Variants in PLEKHG6 observed in about 807,000 individuals in gnomAD.
The protein encoded by PLEKHG6 is pleckstrin homology and RhoGEF domain containing G6.
PLEKHG6 carries 91 observed loss-of-function variants against 97.5 expected under a neutral mutation model. That is an observed-to-expected ratio of 0.93 (90% CI 0.79 to 1.11). The LOEUF (loss-of-function observed/expected upper bound fraction) is 1.11, where lower values mean the gene tolerates loss of function less well. Ranked by LOEUF, PLEKHG6 falls within the 50% of genes most tolerant of loss-of-function variation. PLEKHG6 has a pLI of 0.00. For synonymous variants in PLEKHG6, 466 were observed against 425.5 expected (o/e 1.10, Z -1.17); for missense variants, 1,044 against 1,031.0 (o/e 1.01, Z -0.17).
intron 2 of PLEKHG6, 129 bp from the exon 3 acceptor site, chr12:6,313,500 A>C: frequency 9.1e-7 from 1 of 1,103,624 alleles, no homozygotes; most frequent in Non-Finnish European, 1.3e-6. Flanking sequence ...GTTTGCAGGG[A>C]GAAGTGAGCC....
chr12:6,314,009 G>A (rs1947362877), intron 3 of PLEKHG6, among the ~76,000 whole-genome samples: 1 of 152,232 alleles, frequency 6.6e-6, no homozygotes, highest in Non-Finnish European at 1.5e-5. Flanking sequence ...GTGGATAAAC[G>A]ATTGATATTG....
rs562837786 is a variant in PLEKHG6, at chr12:6,327,524, C to T, written c.1941C>T (p.Pro647=). 2.0e-5 allele frequency: 32 copies of T among 1,611,630 alleles called. No individual in the cohort carries two copies. Among genetic ancestry groups the T allele is most frequent in the African/African-American group, 2.7e-5 (2 of 74,878 alleles). ...AAGCTCCTCAACGCCGAAGCGCCCC[C>T]GAACTGCCGGAAGGAATCCTAAAAG... ...DPQAPQRRSA[P]ELPEGILKGG... is the part of the protein sequence containing the mutation. The change falls in exon 15 of 16, where the codon CCC becomes CCT. Residue 647 remains proline, a synonymous_variant. Transcript: ENST00000684764.
intron 10 of PLEKHG6, 105 bp downstream of exon 10, chr12:6,318,099 G>A: frequency 7.1e-7 from 1 of 1,411,412 alleles, no homozygotes; most frequent in Non-Finnish European, 9.6e-7. Context: ...TGCTACAAGG[G>A]TGTCCATCAT....
chr12:6,318,143 G>T (rs1032031216), intron 10 of PLEKHG6, 149 bp downstream of exon 10: 195 of 1,386,608 alleles, frequency 1.4e-4, no homozygotes, highest in Middle Eastern at 2.0e-4. Flanking sequence ...AGGGGTACAG[G>T]TCAGAAGAGC....
Position 6,319,062 on chromosome 12 carries a change from G to C in PLEKHG6, c.1478G>C (p.Ser493Thr), listed in dbSNP as rs375430078. 20 of 1,613,086 alleles carry C rather than the reference G, an allele frequency of 1.2e-5. No homozygotes were observed. Among genetic ancestry groups the C allele is most frequent in the South Asian group, 5.5e-5 (5 of 91,014 alleles). Residue 493 changes from serine to threonine, a missense_variant, in exon 13 of 16, where the codon AGT becomes ACT. Ser to Thr is a moderately conservative substitution (Grantham distance 58, BLOSUM62 1). Coordinates refer to ENST00000684764, the MANE Select transcript of PLEKHG6 (RefSeq NM_001384598.1). ...AGCGCCCTCCTTGTGCACTGTCCCA[G>C]TCCTACAGACCGTGCCCAGTGGCTG... is the stretch of plus-strand genomic sequence containing the variant. The part of the protein sequence containing the change: ...VSSALLVHCP[S>T]PTDRAQWLEK...
At chr12:6,312,713 T>C (rs1437519446) in intron 2 of PLEKHG6, 2 of 1,165,110 alleles carry the variant, frequency 1.7e-6, no homozygotes, top group African/African-American at 1.6e-5. Flanking sequence ...TTTGAGGCCT[T>C]CCTGAGATCT....
chr12:6,315,134 G>C lies in PLEKHG6; in HGVS notation c.424G>C (p.Glu142Gln). 6.2e-7 allele frequency: 1 copy of C among 1,612,074 alleles called. No individual in the cohort carries two copies. Among genetic ancestry groups the C allele is most frequent in the East Asian group, 2.2e-5 (1 of 44,880 alleles). Residue 142 changes from glutamate (E) to glutamine (Q), a missense_variant, in exon 4 of 16, where the codon GAG (glutamate) becomes CAG (glutamine). By Grantham distance (29) the Glu-to-Gln change is conservative. Coordinates refer to ENST00000684764, the MANE Select transcript of PLEKHG6 (RefSeq NM_001384598.1). This position sits in a 1 kb window ranked among gnomAD's most constrained non-coding sequence, Gnocchi z 4.5. The stretch of plus-strand genomic sequence containing the variant: ...GGGTGGCGACAGTGGCCTGACCATC[G>C]AGAAGTCCTGGAGGGAGCTGGTGCC... ...GEGGDSGLTI[E>Q]KSWRELVPGH...
Position 6,328,436 on chromosome 12 carries a change from C to A in PLEKHG6, c.*291C>A. 2.5e-6 allele frequency: 1 copy of A among 396,442 alleles called. No individual in the cohort carries two copies. The highest frequency in any genetic ancestry group is 4.5e-6 in the Non-Finnish European group (1 of 220,084). 24.6% of individuals were successfully genotyped at this position (396,442 alleles called of 1,614,324 possible). A position where few individuals can be genotyped will look rare whatever the true frequency, so the allele number is the denominator to read the frequency against. On this transcript the variant is annotated 3_prime_UTR_variant, in exon 16 of 16. Coordinates refer to ENST00000684764, the MANE Select transcript of PLEKHG6 (RefSeq NM_001384598.1). ...GGCTGAGGTGGGAGGATCCCTTGAG[C>A]CCAGGAGTTCCAGACCAGCCTGGGC...
chr12:6,313,749 G>A lies in PLEKHG6; in HGVS notation c.259G>A (p.Val87Met). The change falls in exon 3 of 16, where the codon GTG becomes ATG. Residue 87 changes from valine to methionine, a missense_variant. Physicochemically the swap from Val to Met is conservative, Grantham distance 21 (BLOSUM62 1). Coordinates refer to ENST00000684764, the MANE Select transcript of PLEKHG6 (RefSeq NM_001384598.1). ...PEPEKRHGGH[V>M]GAGLLHSPKL... The stretch of plus-strand genomic sequence containing the variant: ...GCCCGAGAAGAGGCACGGGGGCCAT[G>A]TGGGGGCTGGCCTGCTTCACTCCCC... 1 of 1,606,694 alleles carries A rather than the reference G, an allele frequency of 6.2e-7. No homozygotes were observed. Among genetic ancestry groups the A allele is most frequent in the Non-Finnish European group, 8.5e-7 (1 of 1,176,536 alleles).
intron 13 of PLEKHG6, among the ~76,000 whole-genome samples, chr12:6,323,466 A>C (rs1947765326): frequency 6.6e-6 from 1 of 152,216 alleles, no homozygotes; most frequent in Non-Finnish European, 1.5e-5. Context: ...AGAAACGTTG[A>C]CTTGCAGATT....
chr12:6,315,380 T>C lies in PLEKHG6; in HGVS notation c.460-174T>C, dbSNP rs1947419367. On this transcript the variant is annotated intron_variant, in intron 4 of 15. Coordinates refer to ENST00000684764, the MANE Select transcript of PLEKHG6 (RefSeq NM_001384598.1). The surrounding 1 kb of genome is among the most constrained non-coding windows in gnomAD (Gnocchi z 4.5). ...TTCTCTGGGCCTCAGTTGCCACATA[T>C]GTAAAGTGGGGATAATACCACCTAC... Among the ~76,000 whole-genome samples the C allele has an allele frequency of 6.6e-6, 1 of 152,244 alleles. No individual in the cohort carries two copies. Among genetic ancestry groups the C allele is most frequent in the Non-Finnish European group, 1.5e-5 (1 of 68,046 alleles).
In PLEKHG6 at chr12:6,312,755, A is replaced by C. The variant is rs536668560; in HGVS notation, c.138+391A>C. 3 of 1,165,876 alleles carry C rather than the reference A, an allele frequency of 2.6e-6. No individual in the cohort carries two copies. In the East Asian group the frequency reaches 1.5e-4, roughly 59 times the overall value. 72.2% of individuals were successfully genotyped at this position (1,165,876 alleles called of 1,614,324 possible). ...CCCTGAGTCAGGATGAAGATGAGCA[A>C]AGGTTCAGGGTGTCCCTACTCCTCC... On this transcript the variant is annotated intron_variant, in intron 2 of 15. Transcript: ENST00000684764.
At chr12:6,325,043 AT>A (rs1186348728) in intron 13 of PLEKHG6, among the ~76,000 whole-genome samples, 1 of 152,084 alleles carries the variant, frequency 6.6e-6, no homozygotes. Flanking sequence ...AGACTTCAAT[AT>A]TTTAACAAGG....
In PLEKHG6 at chr12:6,313,670, C is replaced by T. The variant is rs370706761; in HGVS notation, c.180C>T (p.Ala60=). 1.1e-5 allele frequency: 18 copies of T among 1,613,966 alleles called. No homozygotes were observed. In the East Asian group the frequency reaches 2.4e-4, roughly 22 times the overall value. ...GCCTCCAGCAGTATGTCCCCTTTGC[C>T]AGGGGTTCTGGCCAGGCCCGAGGCC... ...RRRLQQYVPF[A]RGSGQARGLS... is the part of the protein sequence containing the mutation. The change falls in exon 3 of 16, where the codon GCC becomes GCT. Residue 60 remains alanine (A), a synonymous_variant. Coordinates refer to ENST00000684764, the MANE Select transcript of PLEKHG6 (RefSeq NM_001384598.1).
intron 7 of PLEKHG6, 61 bp from the exon 8 acceptor site, chr12:6,317,242 A>C (rs1450528492): frequency 9.3e-7 from 1 of 1,072,658 alleles, no homozygotes; most frequent in Non-Finnish European, 1.4e-6. Flanking sequence ...CTGCAGCTAG[A>C]GCCTGTATTC....
chr12:6,320,755 C>T (rs1216181402), intron 13 of PLEKHG6, among the ~76,000 whole-genome samples: 1 of 152,118 alleles, frequency 6.6e-6, no homozygotes, highest in Admixed American at 6.5e-5. Flanking sequence ...ACTATTCAAC[C>T]CACCACAGGA....
chr12:6,312,313 C>A lies in PLEKHG6; in HGVS notation c.87C>A (p.Ala29=). The A allele has an allele frequency of 6.3e-7, 1 of 1,574,946 alleles. No homozygotes were observed. The highest frequency in any genetic ancestry group is 1.9e-5 in the Admixed American group (1 of 51,628). The change falls in exon 2 of 16, where the codon GCC becomes GCA. Residue 29 remains alanine, a synonymous_variant. Coordinates refer to ENST00000684764, the MANE Select transcript of PLEKHG6 (RefSeq NM_001384598.1). Reference sequence around the variant, plus strand: ...AGACTTATGGGGGCCGGCATCGAGCCTCTGCTCAGAGCACTGCTGGCAGAC... The same window carrying A: ...AGACTTATGGGGGCCGGCATCGAGCATCTGCTCAGAGCACTGCTGGCAGAC... ...RIETYGGRHR[A]SAQSTAGRLY...
chr12:6,310,673 G>C (rs1394246740), upstream of PLEKHG6: 11 of 152,172 alleles, frequency 7.2e-5, no homozygotes, highest in Admixed American at 6.5e-4. Flanking sequence ...GGCCAGCCCG[G>C]TCCCCGCCCT....
At chr12:6,312,005 G>A (rs993122545) in intron 1 of PLEKHG6, among the ~76,000 whole-genome samples, 154 bp from the exon 2 acceptor site, 1 of 152,078 alleles carries the variant, frequency 6.6e-6, no homozygotes. Context: ...TCATAGATGA[G>A]GCAGCCATGT....
Sources: allele counts gnomAD v4.1 joint callset (sites outside exome capture counted in the v4.1 genomes callset), GRCh38; gene constraint gnomAD v4.1.1; non-coding constraint Gnocchi (gnomAD v3.1); transcripts MANE v1.5; gene names NCBI Gene and HGNC (gene_info 2026-07-23, HGNC 2026-07-21).